Variants in MMP24 observed in about 807,000 individuals in gnomAD.
MMP24 encodes the protein matrix metalloproteinase-24.
MMP24 carries 25 observed loss-of-function variants against 62.8 expected under a neutral mutation model. The ratio of observed to expected loss-of-function variants is 0.40; its 90% CI spans 0.29 to 0.56. The LOEUF is 0.56. Among genes scored for constraint, MMP24 ranks in the 20% least tolerant of loss-of-function variants. MMP24 has a pLI of 0.50. For missense variants in MMP24, 634 were observed against 853.6 expected (o/e 0.74, Z 3.21); for synonymous variants, 319 against 350.5 (o/e 0.91, Z 1.00).
intron 2 of MMP24, 146 bp from the exon 3 acceptor site, chr20:35,251,759 T>TG: frequency 3.2e-6 from 2 of 627,170 alleles, no homozygotes; most frequent in African/African-American, 1.8e-5. Context: ...ATGTTCTTGT[T>TG]GGGGTCCATC....
intron 4 of MMP24, among the ~76,000 whole-genome samples, chr20:35,259,152 A>G (rs914008865): frequency 1.3e-5 from 2 of 152,184 alleles, no homozygotes; most frequent in Non-Finnish European, 2.9e-5. Context: ...CTACACTCCA[A>G]CCTGGGTGAC....
At chr20:35,231,349 A>T (rs1317763107) in intron 1 of MMP24, among the ~76,000 whole-genome samples, 2 of 152,164 alleles carry the variant, frequency 1.3e-5, no homozygotes, top group Non-Finnish European at 2.9e-5. Flanking sequence ...ACCCCGAATG[A>T]TTGGAGGGGT....
chr20:35,251,366 C>A (rs1454033037), intron 2 of MMP24, among the ~76,000 whole-genome samples: 3 of 152,054 alleles, frequency 2.0e-5, no homozygotes, highest in Non-Finnish European at 4.4e-5. Context: ...CTCAGATAAT[C>A]CACCCGCCTC....
chr20:35,262,793 C>CTTCCGCAGTTTTTGTG, intron 4 of MMP24: 1 of 140,264 alleles, frequency 7.1e-6, no homozygotes, highest in Non-Finnish European at 1.5e-5. Flanking sequence ...TCCCTGCGGC[C>CTTCCGCAGTTTTTGTG]TTCCGCAGTT....
At chr20:35,232,525 G>A (rs930401590) in intron 1 of MMP24, among the ~76,000 whole-genome samples, 3 of 152,260 alleles carry the variant, frequency 2.0e-5, no homozygotes, top group Admixed American at 1.3e-4. Context: ...GGGAGGAGAT[G>A]AGGTTCCCCA....
intron 1 of MMP24, among the ~76,000 whole-genome samples, chr20:35,239,700 G>A (rs1002377623): frequency 8.5e-5 from 13 of 152,158 alleles, no homozygotes; most frequent in Admixed American, 3.3e-4. Flanking sequence ...GGTGGCAAAC[G>A]CCTGTAGTCC....
At chr20:35,262,003 T>C (rs1382772214) in intron 4 of MMP24, among the ~76,000 whole-genome samples, 3 of 152,118 alleles carry the variant, frequency 2.0e-5, no homozygotes, top group Admixed American at 6.5e-5. Flanking sequence ...GGTTTCACCA[T>C]GTTGGCCAAG....
intron 4 of MMP24, among the ~76,000 whole-genome samples, chr20:35,257,315 G>A (rs1311084141): frequency 6.6e-6 from 1 of 152,006 alleles, no homozygotes; most frequent in African/African-American, 2.4e-5. Flanking sequence ...CTTTGCCCTG[G>A]TATCTCTCCC....
chr20:35,263,716 C>T (rs2060616442), intron 4 of MMP24, 75 bp from the exon 5 acceptor site: 4 of 1,303,924 alleles, frequency 3.1e-6, no homozygotes, highest in South Asian at 3.3e-5. Flanking sequence ...TCGGTGTTTG[C>T]TGAGGTAATG....
chr20:35,231,083 A>G (rs1319471706), intron 1 of MMP24, among the ~76,000 whole-genome samples: 1 of 152,166 alleles, frequency 6.6e-6, no homozygotes, highest in African/African-American at 2.4e-5. Context: ...TATTAAAAGC[A>G]CCACTTCTCT....
chr20:35,248,169 G>A (rs1271609710), intron 2 of MMP24, among the ~76,000 whole-genome samples: 4 of 152,100 alleles, frequency 2.6e-5, no homozygotes, highest in Admixed American at 6.6e-5. Flanking sequence ...GGGAGGAACA[G>A]GAAATGCACC....
At chr20:35,262,404 T>C (rs921247887) in intron 4 of MMP24, among the ~76,000 whole-genome samples, 1 of 151,648 alleles carries the variant, frequency 6.6e-6, no homozygotes, top group Non-Finnish European at 1.5e-5. Context: ...CTTTGCATCA[T>C]AGAGAATGTA....
intron 5 of MMP24, among the ~76,000 whole-genome samples, chr20:35,264,707 C>CAAAAAAAAAAAAA (rs57309455): frequency 2.1e-4 from 9 of 43,538 alleles, no homozygotes; most frequent in Non-Finnish European, 2.3e-4. Context: ...GACTCCGTCT[C>CAAAAAAAAAAAAA]AAAAAAAAAA....
intron 4 of MMP24, chr20:35,255,940 G>A (rs2060572539): frequency 6.6e-6 from 1 of 152,154 alleles, no homozygotes; most frequent in Admixed American, 6.5e-5. Flanking sequence ...GGAGTTAGGT[G>A]TGCACGTAAG....
At chr20:35,243,025 A>G (rs201424488) in intron 1 of MMP24, among the ~76,000 whole-genome samples, 1 of 152,040 alleles carries the variant, frequency 6.6e-6, no homozygotes, top group Non-Finnish European at 1.5e-5. Flanking sequence ...TAAAAATACA[A>G]AAATTAGCCA....
intron 2 of MMP24, 128 bp from the exon 3 acceptor site, chr20:35,251,776 AG>A: frequency 1.5e-6 from 1 of 683,766 alleles, no homozygotes; most frequent in South Asian, 1.8e-5. Context: ...CATCCAAGCC[AG>A]GGTCCCAGAG....
rs566997401 is a variant in MMP24, at chr20:35,272,856, T to G, written c.1600+1021T>G. Reference sequence around the variant, plus strand: ...AAAATGATAATAACAGTACCTACCTTTATATAATGGTTTTGTGAGGATTAA... The same window carrying G: ...AAAATGATAATAACAGTACCTACCTGTATATAATGGTTTTGTGAGGATTAA... On this transcript the variant is annotated intron_variant, in intron 8 of 8. Transcript: ENST00000246186. Among the ~76,000 whole-genome samples the G allele has an allele frequency of 3.0e-4, 46 of 152,308 alleles. 1 individual carries two copies. The South Asian group carries it at 9.3e-3, about 31-fold the overall frequency.
chr20:35,272,281 G>T, intron 8 of MMP24: 1 of 413,506 alleles, frequency 2.4e-6, no homozygotes, highest in Non-Finnish European at 4.3e-6. Context: ...TGTCGCCTAG[G>T]CTGGAATGCT....
chr20:35,256,710 G>A (rs1383303432), intron 4 of MMP24, among the ~76,000 whole-genome samples: 2 of 86,382 alleles, frequency 2.3e-5, no homozygotes, highest in East Asian at 3.5e-4. Context: ...CAGAGATTCC[G>A]TCTCAAAAAA....
Sources: gnomAD v4.1 joint callset for allele counts (sites outside exome capture counted in the v4.1 genomes callset) on GRCh38, gnomAD v4.1.1 for gene constraint, MANE v1.5 for transcripts, NCBI Gene and HGNC (gene_info 2026-07-23, HGNC 2026-07-21) for gene names.